TENM4: variants seen among roughly 807,000 people sequenced by gnomAD.
The protein encoded by TENM4 is teneurin transmembrane protein 4.
A neutral mutation model predicts 243.3 loss-of-function variants in TENM4; 82 were observed. The observed-to-expected ratio is 0.34, with a 90% CI of 0.28 to 0.40. TENM4 has a LOEUF of 0.40. Among genes scored for constraint, TENM4 ranks in the 10% least tolerant of loss-of-function variants. The pLI is 1.00. For missense variants in TENM4, 3,138 were observed against 3,673.3 expected (o/e 0.85, Z 3.77); for synonymous variants, 1,412 against 1,456.3 (o/e 0.97, Z 0.69).
intron 12 of TENM4, 65 bp from the exon 13 acceptor site, chr11:78,814,460 A>T (rs1857563561): frequency 2.1e-6 from 3 of 1,425,304 alleles, no homozygotes; most frequent in Non-Finnish European, 2.9e-6. Context: ...GAGCCCAGGA[A>T]TCAAGCTTTA....
chr11:79,298,504 A>T, intron 1 of TENM4, among the ~76,000 whole-genome samples: 1 of 140,998 alleles, frequency 7.1e-6, no homozygotes, highest in East Asian at 2.2e-4. Context: ...CCTGGGTGAC[A>T]GAGCAAGACT....
intron 3 of TENM4, among the ~76,000 whole-genome samples, chr11:79,183,487 A>C (rs981617912): frequency 1.3e-5 from 2 of 152,204 alleles, no homozygotes; most frequent in Non-Finnish European, 1.5e-5. Flanking sequence ...CATTATATAC[A>C]TTTGTCAAAA....
chr11:79,086,693 G>C (rs1280039278), intron 4 of TENM4, among the ~76,000 whole-genome samples: 2 of 152,032 alleles, frequency 1.3e-5, no homozygotes, highest in Non-Finnish European at 2.9e-5. Flanking sequence ...AATTAGCTGG[G>C]TGTGGTGGCT....
chr11:78,844,595 T>C (rs975676119), intron 12 of TENM4, among the ~76,000 whole-genome samples: 9 of 151,540 alleles, frequency 5.9e-5, no homozygotes, highest in African/African-American at 1.9e-4. Flanking sequence ...TGAACCAAGA[T>C]TGCGCCAATG....
chr11:79,001,474 G>C (rs1239794042), intron 6 of TENM4, among the ~76,000 whole-genome samples: 1 of 130,046 alleles, frequency 7.7e-6, no homozygotes, highest in East Asian at 2.0e-4. Flanking sequence ...CTGGCAGCAG[G>C]AGACCCCCCC....
At chr11:79,040,265 T>C (rs917554508) in intron 6 of TENM4, among the ~76,000 whole-genome samples, 2 of 152,210 alleles carry the variant, frequency 1.3e-5, no homozygotes, top group Non-Finnish European at 2.9e-5. Flanking sequence ...TTGTGTGCAA[T>C]TGAAGAGACA....
intron 6 of TENM4, among the ~76,000 whole-genome samples, chr11:78,920,353 T>A (rs1856421957): frequency 6.6e-6 from 1 of 152,240 alleles, no homozygotes; most frequent in Admixed American, 6.5e-5. Context: ...TCTGACTATT[T>A]CTACTTCGTA....
In TENM4 at chr11:78,661,629, A is replaced by C. The variant is rs780556616; in HGVS notation, c.7409-38T>G. 3 of 1,604,678 alleles carry C rather than the reference A, an allele frequency of 1.9e-6. No homozygotes were observed. In the Admixed American group the frequency reaches 5.1e-5, roughly 27 times the overall value. ...GAAGCAGAAACATCTCCATGGAGTG[A>C]GTGGACCTCATTTGCAACCCATCCC... is the stretch of plus-strand genomic sequence containing the variant. On this transcript the variant is annotated intron_variant, in intron 32 of 33. Transcript: ENST00000278550.
At chr11:78,698,423 CCAAA>C (rs929666311) in intron 28 of TENM4, among the ~76,000 whole-genome samples, 15 of 152,122 alleles carry the variant, frequency 9.9e-5, no homozygotes, top group Admixed American at 2.6e-4. Flanking sequence ...AACCAACCAA[CCAAA>C]CAAACAAACA....
intron 20 of TENM4, among the ~76,000 whole-genome samples, chr11:78,736,886 CAG>C (rs924377345): frequency 3.3e-5 from 5 of 152,108 alleles, no homozygotes; most frequent in African/African-American, 4.8e-5. Context: ...ATGCAGGAAA[CAG>C]GGCTGATATT....
chr11:79,418,763 C>T (rs1361212729), intron 1 of TENM4, among the ~76,000 whole-genome samples: 1 of 152,224 alleles, frequency 6.6e-6, no homozygotes, highest in Non-Finnish European at 1.5e-5. Context: ...TGTACATTTA[C>T]ACCCCACTCC....
At chr11:78,764,494 G>A (rs896423320) in intron 18 of TENM4, among the ~76,000 whole-genome samples, 1 of 152,218 alleles carries the variant, frequency 6.6e-6, no homozygotes, top group Admixed American at 6.5e-5. Flanking sequence ...CACACAGTAA[G>A]CATCACAATG....
intron 1 of TENM4, among the ~76,000 whole-genome samples, chr11:79,391,966 A>G (rs1858243557): frequency 1.3e-5 from 2 of 152,074 alleles, no homozygotes; most frequent in Admixed American, 6.6e-5. Flanking sequence ...CCTTTGAAAA[A>G]AAAATCAATA....
At chr11:79,005,730 T>TG (rs1858464329) in intron 6 of TENM4, among the ~76,000 whole-genome samples, 1 of 152,108 alleles carries the variant, frequency 6.6e-6, no homozygotes, top group Non-Finnish European at 1.5e-5. Context: ...ACACAGTTCT[T>TG]GAAGTCCTAG....
At chr11:79,130,779 C>G (rs1861987691) in intron 4 of TENM4, among the ~76,000 whole-genome samples, 1 of 152,098 alleles carries the variant, frequency 6.6e-6, no homozygotes, top group Non-Finnish European at 1.5e-5. Context: ...GCCGAGATTG[C>G]ACCACTGCAC....
chr11:79,426,677 C>T (rs1277246131), intron 1 of TENM4, among the ~76,000 whole-genome samples: 1 of 152,060 alleles, frequency 6.6e-6, no homozygotes, highest in Admixed American at 6.5e-5. Flanking sequence ...AAACAGGAGT[C>T]AAAGATGACT....
chr11:78,736,176 T>G (rs186847972), intron 20 of TENM4, among the ~76,000 whole-genome samples: 1 of 152,114 alleles, frequency 6.6e-6, no homozygotes, highest in Non-Finnish European at 1.5e-5. Context: ...AGGCTGGTCT[T>G]GAACGCCCAG....
intron 6 of TENM4, among the ~76,000 whole-genome samples, chr11:79,042,064 C>T (rs535232935): frequency 2.0e-5 from 3 of 152,178 alleles, no homozygotes; most frequent in Admixed American, 6.5e-5. Context: ...CCAATAGATG[C>T]GTAACTTAAA....
At chr11:79,312,206 A>G (rs772294627) in intron 1 of TENM4, among the ~76,000 whole-genome samples, 7 of 151,952 alleles carry the variant, frequency 4.6e-5, no homozygotes, top group Non-Finnish European at 1.0e-4. Flanking sequence ...TGCCGTGTAG[A>G]GTAGTCATTT....
Sources: gnomAD v4.1 joint callset for allele counts (sites outside exome capture counted in the v4.1 genomes callset) on GRCh38, gnomAD v4.1.1 for gene constraint, MANE v1.5 for transcripts, NCBI Gene and HGNC (gene_info 2026-07-23, HGNC 2026-07-21) for gene names.